Variants in MRPS28 observed in about 807,000 individuals in gnomAD.
MRPS28 encodes the protein mitochondrial ribosomal protein S28.
MRPS28 carries 7 observed loss-of-function variants against 10.8 expected under a neutral mutation model. The observed-to-expected ratio is 0.65, with a 90% CI of 0.37 to 1.22. The LOEUF (loss-of-function observed/expected upper bound fraction) is 1.22. Among genes scored for constraint, MRPS28 ranks in the 50% most tolerant of loss-of-function variants. MRPS28 has a pLI of 0.02. For synonymous variants in MRPS28, 121 were observed against 93.3 expected, an observed-to-expected ratio of 1.30 and a Z score of -1.71; for missense variants, 265 against 232.9, an observed-to-expected ratio of 1.14 and a Z score of -0.90.
At chr8:79,938,726 G>A (rs929424329) in intron 2 of MRPS28, among the ~76,000 whole-genome samples, 16 of 152,264 alleles carry the variant, frequency 1.1e-4, no homozygotes, top group African/African-American at 3.1e-4. Context: ...GGAAAATTCT[G>A]TTGCAAGTCT....
intron 2 of MRPS28, among the ~76,000 whole-genome samples, chr8:79,978,642 T>C (rs555872179): frequency 5.3e-5 from 8 of 152,312 alleles, no homozygotes; most frequent in African/African-American, 7.2e-5. Context: ...TTTTTGACAA[T>C]TGAAAAGAGA....
intron 2 of MRPS28, among the ~76,000 whole-genome samples, chr8:79,973,307 G>A (rs1586068711): frequency 1.3e-5 from 2 of 152,136 alleles, no homozygotes; most frequent in African/African-American, 4.8e-5. Context: ...CATATATTTA[G>A]AGTTGGGATC....
chr8:79,968,900 A>G (rs571182916), intron 2 of MRPS28, among the ~76,000 whole-genome samples: 6 of 152,238 alleles, frequency 3.9e-5, no homozygotes. Flanking sequence ...ATAATTTCTA[A>G]TAAGTCAGTG....
At chr8:80,004,577 G>A (rs1808771184) in intron 1 of MRPS28, among the ~76,000 whole-genome samples, 1 of 152,200 alleles carries the variant, frequency 6.6e-6, no homozygotes, top group Admixed American at 6.5e-5. Flanking sequence ...AAATCAGAGT[G>A]CCTCTCCCCC....
In MRPS28 at chr8:79,918,982, AT is replaced by A; in HGVS notation, c.561del (p.Lys187AsnfsTer3). ...DSRSKEEHHE[K>X] Reference sequence around the variant, plus strand: ...TCAATCCACTAAGCAAAGTTCATTTATTTTTCATGATGTTCTTCTTTCGATC... The same window carrying A: ...TCAATCCACTAAGCAAAGTTCATTTATTTTCATGATGTTCTTCTTTCGATC... On this transcript the variant is annotated frameshift_variant, in exon 3 of 3. Transcript: ENST00000276585. LOFTEE classifies it high-confidence loss of function. The A allele has an allele frequency of 6.5e-7, 1 of 1,540,390 alleles. No homozygotes were observed. The highest frequency in any genetic ancestry group is 2.3e-5 in the East Asian group (1 of 43,472).
At chr8:80,029,626 C>G (rs550835398) in intron 1 of MRPS28, 154 of 735,042 alleles carry the variant, frequency 2.1e-4, no homozygotes, top group Non-Finnish European at 2.8e-4. Flanking sequence ...CTACTCCAGA[C>G]AGCAAGCTCC....
chr8:80,029,811 C>G, intron 1 of MRPS28: 2 of 1,528,406 alleles, frequency 1.3e-6, no homozygotes, highest in Non-Finnish European at 1.8e-6. Flanking sequence ...TGGACAGACC[C>G]GGCCCAGTAC....
intron 1 of MRPS28, 142 bp from the exon 2 acceptor site, chr8:80,003,322 C>T: frequency 1.7e-6 from 1 of 604,464 alleles, no homozygotes. Flanking sequence ...GCCAGTTATG[C>T]TCTTCAACTT....
chr8:79,949,470 G>A (rs1395088556), intron 2 of MRPS28, among the ~76,000 whole-genome samples: 2 of 151,062 alleles, frequency 1.3e-5, no homozygotes, highest in Admixed American at 6.6e-5. Flanking sequence ...TTTGGGCGAA[G>A]CCTAGTATTT....
At chr8:79,946,524 A>G (rs974686145) in intron 2 of MRPS28, among the ~76,000 whole-genome samples, 1 of 152,156 alleles carries the variant, frequency 6.6e-6, no homozygotes, top group African/African-American at 2.4e-5. Flanking sequence ...TATTAAAAAC[A>G]TCACCCACTA....
intron 2 of MRPS28, among the ~76,000 whole-genome samples, chr8:79,977,538 G>A (rs749022622): frequency 1.3e-5 from 2 of 152,032 alleles, no homozygotes; most frequent in African/African-American, 2.4e-5. Context: ...GAATACAGGC[G>A]AAGCACAGTG....
chr8:79,932,335 G>A (rs1027406360), intron 2 of MRPS28, among the ~76,000 whole-genome samples: 16 of 152,158 alleles, frequency 1.1e-4, no homozygotes, highest in African/African-American at 3.9e-4. Context: ...GTGAAGGAAG[G>A]CATCTCTGAA....
intron 2 of MRPS28, among the ~76,000 whole-genome samples, chr8:79,965,985 T>G (rs1209523407): frequency 6.6e-6 from 1 of 152,036 alleles, no homozygotes; most frequent in African/African-American, 2.4e-5. Flanking sequence ...TAAGTATTCA[T>G]GAATGATCCT....
chr8:79,960,456 C>T (rs1447718102), intron 2 of MRPS28, among the ~76,000 whole-genome samples: 1 of 152,116 alleles, frequency 6.6e-6, no homozygotes, highest in Admixed American at 6.6e-5. Flanking sequence ...GATATGCTTT[C>T]ACTTTTCCCA....
At chr8:80,008,091 C>T (rs1454925749) in intron 1 of MRPS28, among the ~76,000 whole-genome samples, 1 of 152,152 alleles carries the variant, frequency 6.6e-6, no homozygotes, top group Non-Finnish European at 1.5e-5. Context: ...ACCAATGGAA[C>T]AGAATGGAGC....
At chr8:79,923,676 CCT>C (rs1291424852) in intron 2 of MRPS28, among the ~76,000 whole-genome samples, 2 of 151,968 alleles carry the variant, frequency 1.3e-5, no homozygotes, top group African/African-American at 4.8e-5. Flanking sequence ...ACGAAAATAG[CCT>C]GTGTTTTTAC....
At position 80,030,111 on chromosome 8, in the gene MRPS28, C is replaced by G. The variant is rs759892227; in HGVS notation, c.138G>C (p.Lys46Asn). 2 of 1,614,176 alleles carry G rather than the reference C, an allele frequency of 1.2e-6. No individual in the cohort carries two copies. The highest frequency in any genetic ancestry group is 1.7e-6 in the Non-Finnish European group (2 of 1,179,996). ...ESGSSNAKEP[K>N]TRAGGFASAL... ...CGCTCGCGAAACCGCCTGCGCGCGTCTTAGGCTCCTTGGCATTGGAACTAC... is the reference window on the plus strand; with the variant it reads ...CGCTCGCGAAACCGCCTGCGCGCGTGTTAGGCTCCTTGGCATTGGAACTAC... The change falls in exon 1 of 3, where the codon AAG (lysine) becomes AAC (asparagine). Residue 46 changes from lysine (K) to asparagine (N), a missense_variant. By Grantham distance (94) the Lys-to-Asn change is moderately conservative. Coordinates refer to ENST00000276585, the MANE Select transcript of MRPS28 (RefSeq NM_014018.3).
rs144840803 is a variant in MRPS28 at position 79,992,727 on chromosome 8, T to C, written c.395+10272A>G. Among the ~76,000 whole-genome samples the C allele has an allele frequency of 4.1e-4, 63 of 152,318 alleles. No homozygotes were observed. In the East Asian group the frequency reaches 0.011, roughly 27 times the overall value. ...ACCCTGAAAGTGTAATTTCAGTAAG[T>C]AGCATAAAGTAGTGGTTAACAATAT... On this transcript the variant is annotated intron_variant, in intron 2 of 2. Coordinates refer to ENST00000276585, the MANE Select transcript of MRPS28 (RefSeq NM_014018.3).
chr8:79,961,733 C>T (rs946808394), intron 2 of MRPS28, among the ~76,000 whole-genome samples: 7 of 152,078 alleles, frequency 4.6e-5, no homozygotes, highest in Non-Finnish European at 4.4e-5. Flanking sequence ...ATATGGTTTG[C>T]TATTTCTTAC....
Sources: allele counts gnomAD v4.1 joint callset (sites outside exome capture counted in the v4.1 genomes callset), GRCh38; gene constraint gnomAD v4.1.1; transcripts MANE v1.5; gene names NCBI Gene and HGNC (gene_info 2026-07-23, HGNC 2026-07-21).